The following GRM8 variants were observed in gnomAD, a reference collection of about 807,000 sequenced individuals.
GRM8 encodes the protein glutamate metabotropic receptor 8, also known as metabotropic glutamate receptor 8.
A neutral mutation model predicts 87.2 loss-of-function variants in GRM8; 47 were observed. The ratio of observed to expected loss-of-function variants is 0.54; its 90% confidence interval spans 0.43 to 0.69. The LOEUF (loss-of-function observed/expected upper bound fraction) is 0.69, where lower values mean the gene tolerates loss of function less well. Among genes scored for constraint, GRM8 ranks in the 30% least tolerant of loss-of-function variants. The probability of loss-of-function intolerance (pLI) is 0.00; values close to 1 mark genes in which losing one functional copy is unlikely to be tolerated. For synonymous variants in GRM8, 396 were observed against 404.5 expected (o/e 0.98, Z 0.25); for missense variants, 1,019 against 1,139.2 (o/e 0.89, Z 1.52).
At chr7:127,006,745 AG>A (rs1268196166) in intron 3 of GRM8, among the ~76,000 whole-genome samples, 2 of 151,970 alleles carry the variant, frequency 1.3e-5, no homozygotes, top group Non-Finnish European at 2.9e-5. Context: ...TATTCTCCAG[AG>A]TTCAGTCCTT....
chr7:127,060,633 G>A (rs887155893), intron 3 of GRM8, among the ~76,000 whole-genome samples: 1 of 152,114 alleles, frequency 6.6e-6, no homozygotes. Flanking sequence ...TGGAGTTAGT[G>A]AACTTCTTAA....
intron 8 of GRM8, among the ~76,000 whole-genome samples, chr7:126,545,045 C>G (rs10227034): frequency 0.039 from 5,996 of 152,252 alleles, 378 homozygotes; most frequent in African/African-American, 0.13. Flanking sequence ...ATAATGGTTT[C>G]TGATATTTGT....
chr7:126,841,853 C>T (rs754492525), intron 6 of GRM8, among the ~76,000 whole-genome samples: 1 of 151,870 alleles, frequency 6.6e-6, no homozygotes, highest in South Asian at 2.1e-4. Context: ...AGGATGGTCT[C>T]GATCTCCTGA....
intron 3 of GRM8, among the ~76,000 whole-genome samples, chr7:127,011,011 T>C (rs1336230436): frequency 6.6e-6 from 1 of 152,150 alleles, no homozygotes; most frequent in Non-Finnish European, 1.5e-5. Flanking sequence ...TAGTTCATTA[T>C]TACTTATTAT....
chr7:126,828,722 G>T (rs922664571), intron 6 of GRM8, among the ~76,000 whole-genome samples: 1 of 152,064 alleles, frequency 6.6e-6, no homozygotes, highest in African/African-American at 2.4e-5. Context: ...TCTGATTTCA[G>T]TTATTTCTTG....
At chr7:126,563,626 G>A (rs1410674956) in intron 8 of GRM8, among the ~76,000 whole-genome samples, 2 of 152,282 alleles carry the variant, frequency 1.3e-5, no homozygotes, top group East Asian at 3.9e-4. Flanking sequence ...TCAAGCTGTG[G>A]CTTGTCAGCC....
intron 3 of GRM8, among the ~76,000 whole-genome samples, chr7:127,079,341 C>T (rs746719259): frequency 3.9e-5 from 6 of 152,050 alleles, no homozygotes; most frequent in Non-Finnish European, 5.9e-5. Context: ...AGGATGGTCT[C>T]GAACTCCTGA....
At chr7:126,616,121 G>C (rs1396490906) in intron 7 of GRM8, among the ~76,000 whole-genome samples, 1 of 152,068 alleles carries the variant, frequency 6.6e-6, no homozygotes, top group Non-Finnish European at 1.5e-5. Flanking sequence ...CCACATACTT[G>C]GAAGTAAAGC....
chr7:126,707,289 T>C (rs1810625131), intron 7 of GRM8, among the ~76,000 whole-genome samples: 2 of 152,138 alleles, frequency 1.3e-5, no homozygotes, highest in Admixed American at 6.6e-5. Context: ...TATTATTGTG[T>C]ACAAGTATTT....
At chr7:127,208,874 C>T (rs1469904668) in intron 2 of GRM8, among the ~76,000 whole-genome samples, 2 of 152,190 alleles carry the variant, frequency 1.3e-5, no homozygotes, top group African/African-American at 2.4e-5. Context: ...AGTTTATAAG[C>T]AGCCCAAATT....
At chr7:126,889,921 A>G (rs1199137588) in intron 6 of GRM8, among the ~76,000 whole-genome samples, 1 of 152,106 alleles carries the variant, frequency 6.6e-6, no homozygotes, top group Non-Finnish European at 1.5e-5. Context: ...GCAGCTGCAA[A>G]TGATAGAAAA....
chr7:127,242,795 T>A lies in GRM8; in HGVS notation c.410A>T (p.Asp137Val), dbSNP rs965666208. 2.5e-6 allele frequency: 4 copies of A among 1,613,872 alleles called. No homozygotes were observed. In the Admixed American group the frequency reaches 5.0e-5, roughly 20 times the overall value. Residue 137 changes from aspartate to valine, a missense_variant, in exon 2 of 11, where the codon GAT (aspartate) becomes GTT (valine). Transcript: ENST00000339582. ...GTCGGGCTTGGTGAAAATGGGTGGA[T>A]CTCCATTAGCACACTTCACATCCGA... The part of the protein sequence containing the change: ...DASDVKCANG[D>V]PPIFTKPDKI...
intron 3 of GRM8, among the ~76,000 whole-genome samples, chr7:126,946,520 G>A (rs1235186788): frequency 6.6e-6 from 1 of 152,110 alleles, no homozygotes; most frequent in Non-Finnish European, 1.5e-5. Context: ...AGGCAGAAAA[G>A]GAAAGAAAAA....
In GRM8 at chr7:127,252,562, C is replaced by A. The variant is rs772228179; in HGVS notation, c.-312+235G>T. Among the ~76,000 whole-genome samples the A allele has an allele frequency of 6.6e-6, 1 of 152,090 alleles. No individual in the cohort carries two copies. The highest frequency in any genetic ancestry group is 1.5e-5 in the Non-Finnish European group (1 of 68,030). ...ACAGACTACGGACATGCAGGGCCAT[C>A]TACTTGTGCTCAGGAAAAACAAATC... On this transcript the variant is annotated intron_variant, in intron 1 of 10. Coordinates refer to ENST00000339582, the MANE Select transcript of GRM8 (RefSeq NM_000845.3). This position sits in a 1 kb window ranked among gnomAD's most constrained non-coding sequence, Gnocchi z 4.9.
intron 7 of GRM8, among the ~76,000 whole-genome samples, chr7:126,720,757 G>A (rs542085207): frequency 5.3e-5 from 8 of 151,958 alleles, no homozygotes; most frequent in Non-Finnish European, 1.0e-4. Context: ...ATACTTCCTC[G>A]ACCAAAGGTA....
chr7:126,490,540 T>C (rs1807888259), intron 9 of GRM8, among the ~76,000 whole-genome samples: 1 of 152,046 alleles, frequency 6.6e-6, no homozygotes, highest in African/African-American at 2.4e-5. Context: ...ACAAGAACTA[T>C]GCCAATGGAC....
At chr7:126,529,549 GGTT>G (rs1350486191) in intron 9 of GRM8, among the ~76,000 whole-genome samples, 1 of 152,078 alleles carries the variant, frequency 6.6e-6, no homozygotes, top group Admixed American at 6.6e-5. Context: ...ATTTATTGGA[GGTT>G]TTTTCTTTTC....
intron 2 of GRM8, among the ~76,000 whole-genome samples, chr7:127,191,269 T>C: frequency 6.6e-6 from 1 of 152,164 alleles, no homozygotes; most frequent in East Asian, 1.9e-4. Context: ...TGAAATGAAA[T>C]TACATTTCAT....
intron 7 of GRM8, among the ~76,000 whole-genome samples, chr7:126,614,112 C>T (rs1177894136): frequency 1.3e-5 from 2 of 152,204 alleles, no homozygotes; most frequent in Non-Finnish European, 2.9e-5. Context: ...AGTAGCCTAA[C>T]TGGGAGGCAC....
Sources: allele counts gnomAD v4.1 joint callset (sites outside exome capture counted in the v4.1 genomes callset), GRCh38; gene constraint gnomAD v4.1.1; non-coding constraint Gnocchi (gnomAD v3.1); transcripts MANE v1.5; gene names NCBI Gene and HGNC (gene_info 2026-07-23, HGNC 2026-07-21).